KIF13A: variants seen among roughly 807,000 people sequenced by gnomAD.
KIF13A encodes kinesin family member 13A, also known as kinesin-like protein KIF13A.
A neutral mutation model predicts 212.2 loss-of-function variants in KIF13A; 79 were observed. The observed-to-expected ratio is 0.37, with a 90% CI of 0.31 to 0.45. The LOEUF (loss-of-function observed/expected upper bound fraction) is 0.45. Ranked by LOEUF, KIF13A falls within the 20% of genes least tolerant of loss-of-function variation. The probability of loss-of-function intolerance (pLI) is 1.00; values close to 1 mark genes in which losing one functional copy is unlikely to be tolerated. For synonymous variants in KIF13A, 789 were observed against 808.6 expected (o/e 0.98, Z 0.41); for missense variants, 1,901 against 2,209.0 (o/e 0.86, Z 2.79).
rs757622676 is a variant in KIF13A at position 17,771,208 on chromosome 6, G to A, written c.4487C>T (p.Pro1496Leu). 2.5e-6 allele frequency: 4 copies of A among 1,611,158 alleles called. No homozygotes were observed. Among genetic ancestry groups the A allele is most frequent in the Non-Finnish European group, 3.4e-6 (4 of 1,178,190 alleles). The change falls in exon 38 of 39, where the codon CCA becomes CTA. Residue 1496 changes from proline (P) to leucine (L), a missense_variant. Physicochemically the swap from Pro to Leu is moderately conservative, Grantham distance 98. Around this residue, in one of 5 missense-constraint regions of KIF13A, gnomAD observed 687 missense variants for 759.1 expected, o/e 0.90. Transcript: ENST00000259711. The surrounding 1 kb of genome is among the most constrained non-coding windows in gnomAD (Gnocchi z 5.4). ...GCAGCCAGGGTTATGTGCCTGAGGT[G>A]GAGGCATGCTCTGCAAAGGTTAAGA... ...RPLLSQESMPPPQAHNPGCIV... is the reference protein window; with the variant it reads ...RPLLSQESMPLPQAHNPGCIV...
In KIF13A at chr6:17,900,938, C is replaced by T. The variant is rs188082757; in HGVS notation, c.147-2758G>A. Among the ~76,000 whole-genome samples, 13 of 151,910 alleles carry T rather than the reference C, an allele frequency of 8.6e-5. No individual in the cohort carries two copies. In the East Asian group the frequency reaches 1.9e-3, roughly 23 times the overall value. Reference sequence around the variant, plus strand: ...CTAAAAATACAAAAAATTAGCCGGGCGTGGTGGCGGGTGCCTGTAGTCCCA... The same window carrying T: ...CTAAAAATACAAAAAATTAGCCGGGTGTGGTGGCGGGTGCCTGTAGTCCCA... On this transcript the variant is annotated intron_variant, in intron 2 of 38. Transcript: ENST00000259711. The surrounding 1 kb of genome is among the most constrained non-coding windows in gnomAD (Gnocchi z 4.6).
At position 17,825,928 on chromosome 6, in the gene KIF13A, G is replaced by A. The variant is rs1764924916; in HGVS notation, c.1626C>T (p.Asn542=). 2 of 1,613,760 alleles carry A rather than the reference G, an allele frequency of 1.2e-6. No individual in the cohort carries two copies. Among genetic ancestry groups the A allele is most frequent in the Non-Finnish European group, 1.7e-6 (2 of 1,179,832 alleles). ...LWGNNHFFRI[N]LPKRKRRDWL... ...AATCTCGACGTTTCCTCTTAGGTAA[G>A]TTTATTCTGTGGGGTTTTTCACCAT... The change falls in exon 16 of 39, where the codon AAC becomes AAT. Residue 542 remains asparagine, a synonymous_variant. Transcript: ENST00000259711. This position sits in a 1 kb window ranked among gnomAD's most constrained non-coding sequence, Gnocchi z 4.5.
chr6:17,809,194 T>C lies in KIF13A; in HGVS notation c.2001-264A>G, dbSNP rs1435723511. Among the ~76,000 whole-genome samples, 1 of 152,042 alleles carries C rather than the reference T, an allele frequency of 6.6e-6. No individual in the cohort carries two copies. Among genetic ancestry groups the C allele is most frequent in the African/African-American group, 2.4e-5 (1 of 41,394 alleles). On this transcript the variant is annotated intron_variant, in intron 17 of 38. Coordinates refer to ENST00000259711, the MANE Select transcript of KIF13A (RefSeq NM_022113.6). The surrounding 1 kb of genome is among the most constrained non-coding windows in gnomAD (Gnocchi z 4.7). ...ACACGTGAAAACGATCAGATTGTGA[T>C]AGGAGGATGCAAAAAACCAGTACAG...
In KIF13A at chr6:17,837,198, T is replaced by A. The variant is rs1012949286; in HGVS notation, c.943-108A>T. The A allele has an allele frequency of 1.0e-6, 1 of 994,296 alleles. No homozygotes were observed. The highest frequency in any genetic ancestry group is 2.2e-5 in the Admixed American group (1 of 46,200). The allele number at this position is 994,296 out of a possible 1,614,324, so 61.6% of individuals were successfully genotyped here. On this transcript the variant is annotated intron_variant, in intron 10 of 38. Transcript: ENST00000259711. The surrounding 1 kb of genome is among the most constrained non-coding windows in gnomAD (Gnocchi z 5.4). ...GACATTATTCTCTATGAAGGAAACA[T>A]TATGTGGAAATGGACTTGCATTTCA...
At chr6:17,948,391 T>C (rs1443563971) in intron 2 of KIF13A, among the ~76,000 whole-genome samples, 1 of 152,000 alleles carries the variant, frequency 6.6e-6, no homozygotes, top group Non-Finnish European at 1.5e-5. Context: ...CTTTGGAAAA[T>C]AAAATACAGA....
chr6:17,853,721 C>T (rs1767881099), intron 6 of KIF13A, among the ~76,000 whole-genome samples: 1 of 151,950 alleles, frequency 6.6e-6, no homozygotes, highest in Admixed American at 6.6e-5. Flanking sequence ...CACCAAAGAA[C>T]ACATATATTA....
At chr6:17,848,953 T>A (rs1232635853) in intron 9 of KIF13A, among the ~76,000 whole-genome samples, 1 of 152,202 alleles carries the variant, frequency 6.6e-6, no homozygotes, top group Non-Finnish European at 1.5e-5. Context: ...AGTCTCACTC[T>A]GTTGCCCAAG....
intron 13 of KIF13A, among the ~76,000 whole-genome samples, chr6:17,830,775 A>C (rs1362244355): frequency 6.6e-6 from 1 of 152,130 alleles, no homozygotes; most frequent in East Asian, 1.9e-4. Context: ...AGCTTTGTGG[A>C]AGAACACAGA....
At chr6:17,800,583 C>T (rs1234382179) in intron 20 of KIF13A, among the ~76,000 whole-genome samples, 2 of 146,562 alleles carry the variant, frequency 1.4e-5, no homozygotes, top group Non-Finnish European at 3.0e-5. Context: ...ATTACAGGTG[C>T]GTGCTACCAC....
intron 7 of KIF13A, among the ~76,000 whole-genome samples, chr6:17,851,718 A>G (rs1767668955): frequency 6.6e-6 from 1 of 152,262 alleles, no homozygotes; most frequent in Admixed American, 6.5e-5. Flanking sequence ...GAAAATATGC[A>G]GCAACCTGAA....
intron 25 of KIF13A, among the ~76,000 whole-genome samples, chr6:17,793,929 C>T (rs888444138): frequency 1.3e-5 from 2 of 151,726 alleles, no homozygotes; most frequent in African/African-American, 4.8e-5. Flanking sequence ...AAAAAACACA[C>T]ACAAAAAAAC....
chr6:17,846,761 C>T (rs1386924578), intron 9 of KIF13A, among the ~76,000 whole-genome samples: 3 of 152,172 alleles, frequency 2.0e-5, no homozygotes, highest in African/African-American at 4.8e-5. Context: ...AGGGACACTA[C>T]ATAAACTCAC....
At chr6:17,906,631 G>T (rs767454023) in intron 2 of KIF13A, among the ~76,000 whole-genome samples, 6 of 151,498 alleles carry the variant, frequency 4.0e-5, no homozygotes, top group Non-Finnish European at 5.9e-5. Context: ...GTATTTTTTT[G>T]TCAAGACAGG....
chr6:17,781,442 G>A (rs1173519765), intron 29 of KIF13A, 141 bp from the exon 30 acceptor site: 2 of 829,726 alleles, frequency 2.4e-6, no homozygotes. Flanking sequence ...TTATTCTGCA[G>A]TTGAAATAGA....
chr6:17,935,067 C>T (rs570076815), intron 2 of KIF13A, among the ~76,000 whole-genome samples: 7 of 152,096 alleles, frequency 4.6e-5, no homozygotes, highest in Non-Finnish European at 8.8e-5. Context: ...ATAACAAAAG[C>T]TTATTTTTGG....
At chr6:17,960,040 A>C (rs1010771478) in intron 2 of KIF13A, among the ~76,000 whole-genome samples, 7 of 151,780 alleles carry the variant, frequency 4.6e-5, no homozygotes, top group African/African-American at 1.7e-4. Flanking sequence ...AAAAAACAAC[A>C]ACAAAAAACA....
At chr6:17,925,808 T>C (rs550986032) in intron 2 of KIF13A, among the ~76,000 whole-genome samples, 4 of 152,154 alleles carry the variant, frequency 2.6e-5, no homozygotes, top group African/African-American at 4.8e-5. Context: ...GTGTTATCTG[T>C]TGGAAGGGTT....
chr6:17,785,743 T>G lies in KIF13A; in HGVS notation c.3362-102A>C. ...GCCTGGGCAACATAGTGAGACCCCATCTCTACCAAAAAAAAAAAAATAGTT... is the reference window on the plus strand; with the variant it reads ...GCCTGGGCAACATAGTGAGACCCCAGCTCTACCAAAAAAAAAAAAATAGTT... On this transcript the variant is annotated intron_variant, in intron 27 of 38. Coordinates refer to ENST00000259711, the MANE Select transcript of KIF13A (RefSeq NM_022113.6). This position sits in a 1 kb window ranked among gnomAD's most constrained non-coding sequence, Gnocchi z 5.8. 1.6e-6 allele frequency: 2 copies of G among 1,213,770 alleles called. No homozygotes were observed. Among genetic ancestry groups the G allele is most frequent in the East Asian group, 2.6e-5 (1 of 38,822 alleles). 75.2% of individuals were successfully genotyped at this position (1,213,770 alleles called of 1,614,324 possible).
At chr6:17,974,514 G>C (rs1336017472) in intron 2 of KIF13A, among the ~76,000 whole-genome samples, 2 of 152,174 alleles carry the variant, frequency 1.3e-5, no homozygotes, top group Non-Finnish European at 2.9e-5. Flanking sequence ...AGACACTGTG[G>C]AGCAAAGACA....
Sources: gnomAD v4.1 joint callset for allele counts (sites outside exome capture counted in the v4.1 genomes callset) on GRCh38, gnomAD v4.1.1 for gene constraint, gnomAD v4.1.1 regional missense constraint, Gnocchi (gnomAD v3.1) non-coding constraint, MANE v1.5 for transcripts, NCBI Gene and HGNC (gene_info 2026-07-23, HGNC 2026-07-21) for gene names.